The following HACD1 variants were observed in gnomAD, a reference collection of about 807,000 sequenced individuals.
HACD1 encodes very-long-chain (3R)-3-hydroxyacyl-CoA dehydratase 1.
A neutral mutation model predicts 32.0 loss-of-function variants in HACD1; 41 were observed. The observed-to-expected ratio is 1.28, with a 90% confidence interval of 1.00 to 1.66. HACD1 has a LOEUF of 1.66. HACD1 is among the 40% of genes most tolerant of loss of function. HACD1 has a pLI of 0.00. For missense variants in HACD1, 396 were observed against 380.1 expected, an observed-to-expected ratio of 1.04 and a Z score of -0.35; for synonymous variants, 142 against 139.0, an observed-to-expected ratio of 1.02 and a Z score of -0.15.
chr10:17,595,246 T>C (rs1554815927), intron 5 of HACD1, among the ~76,000 whole-genome samples: 1 of 152,208 alleles, frequency 6.6e-6, no homozygotes, highest in Non-Finnish European at 1.5e-5. Flanking sequence ...CAGCTAGTAA[T>C]TTATTGATCA....
intron 4 of HACD1, among the ~76,000 whole-genome samples, chr10:17,601,272 G>A (rs1056625621): frequency 6.6e-6 from 1 of 152,056 alleles, no homozygotes; most frequent in African/African-American, 2.4e-5. Flanking sequence ...GACCTCAAGT[G>A]ATCCACCTGC....
intron 1 of HACD1, 60 bp from the exon 2 acceptor site, chr10:17,604,107 T>C: frequency 8.3e-7 from 1 of 1,205,794 alleles, no homozygotes; most frequent in Non-Finnish European, 1.2e-6. Flanking sequence ...ATTTATACAT[T>C]TGTGTTTACA....
Position 17,594,309 on chromosome 10 carries a change from T to C in HACD1, c.680A>G (p.His227Arg), listed in dbSNP as rs1255030164. 6.2e-6 allele frequency: 10 copies of C among 1,605,942 alleles called. No individual in the cohort carries two copies. The highest frequency in any genetic ancestry group is 8.5e-6 in the Non-Finnish European group (10 of 1,175,672). The change falls in exon 6 of 7, where the codon CAT (histidine) becomes CGT (arginine). Residue 227 changes from histidine (H) to arginine (R), a missense_variant. Physicochemically the swap from His to Arg is conservative, Grantham distance 29 (BLOSUM62 0). Coordinates refer to ENST00000361271, the MANE Select transcript of HACD1 (RefSeq NM_014241.4). Reference sequence around the variant, plus strand: ...TGAAAACATTCCTGTTTTCTTCACATGCGGCAAGGCAGCGTATATTGTAAG... The same window carrying C: ...TGAAAACATTCCTGTTTTCTTCACACGCGGCAAGGCAGCGTATATTGTAAG... Reference protein sequence around the residue: ...ELLTIYAALPHVKKTGMFSIR... With the variant: ...ELLTIYAALPRVKKTGMFSIR...
chr10:17,594,484 C>T (rs1833969754), intron 5 of HACD1, 101 bp from the exon 6 acceptor site: 5 of 890,178 alleles, frequency 5.6e-6, no homozygotes, highest in African/African-American at 1.7e-5. Flanking sequence ...TCAAAATTCT[C>T]TTTTCTTTAC....
At chr10:17,612,793 G>A (rs1554817633) in intron 1 of HACD1, among the ~76,000 whole-genome samples, 1 of 151,870 alleles carries the variant, frequency 6.6e-6, no homozygotes, top group Non-Finnish European at 1.5e-5. Context: ...GTGGTGGCGG[G>A]CGCCAGTAGT....
intron 1 of HACD1, among the ~76,000 whole-genome samples, chr10:17,615,194 A>T (rs1833056745): frequency 6.6e-6 from 1 of 152,230 alleles, no homozygotes; most frequent in Admixed American, 6.5e-5. Flanking sequence ...ATAATTTAGG[A>T]GGAAAGAAAG....
intron 6 of HACD1, among the ~76,000 whole-genome samples, chr10:17,591,976 A>ATTTTTTTTTTTTTTTTATTTTTT (rs1833933928): frequency 1.0e-5 from 1 of 96,942 alleles, no homozygotes; most frequent in African/African-American, 4.5e-5. Flanking sequence ...CCAGCTACTG[A>ATTTTTTTTTTTTTTTTATTTTTT]TTTTTTTTTT....
intron 1 of HACD1, among the ~76,000 whole-genome samples, chr10:17,612,626 A>C (rs1040771730): frequency 6.6e-6 from 1 of 152,142 alleles, no homozygotes; most frequent in African/African-American, 2.4e-5. Context: ...TTGAGTAAAA[A>C]CTTGGAAGAG....
rs559069598 is a variant in HACD1 at position 17,589,049 on chromosome 10, A to C, written c.*1315T>G. 1 of 151,836 alleles carries C rather than the reference A, an allele frequency of 6.6e-6. No individual in the cohort carries two copies. Among genetic ancestry groups the C allele is most frequent in the African/African-American group, 2.4e-5 (1 of 41,174 alleles). 9.4% of individuals were successfully genotyped at this position (151,836 alleles called of 1,614,324 possible). On this transcript the variant is annotated 3_prime_UTR_variant, in exon 7 of 7. Transcript: ENST00000361271. ...AAAGTAGGTCTGGTGTATTTTTTTT[A>C]TTAAACACAAGGACAGGAACTTTAT... is the stretch of plus-strand genomic sequence containing the variant.
At chr10:17,600,342 A>T (rs573305448) in intron 4 of HACD1, among the ~76,000 whole-genome samples, 1 of 151,952 alleles carries the variant, frequency 6.6e-6, no homozygotes, top group East Asian at 1.9e-4. Flanking sequence ...TATTTAGCTT[A>T]TTTATTTATT....
At chr10:17,602,132 C>T (rs1328304172) in intron 4 of HACD1, among the ~76,000 whole-genome samples, 1 of 148,898 alleles carries the variant, frequency 6.7e-6, no homozygotes, top group Non-Finnish European at 1.5e-5. Context: ...TGCAGTGGTG[C>T]GATCTCAGCT....
intron 6 of HACD1, among the ~76,000 whole-genome samples, chr10:17,590,725 G>A (rs1554815503): frequency 6.6e-6 from 1 of 152,130 alleles, no homozygotes; most frequent in Non-Finnish European, 1.5e-5. Flanking sequence ...CAGCTAGAGT[G>A]CAGTAGCATG....
rs1564504626 is a variant in HACD1 at position 17,594,482 on chromosome 10, CTCT to C, written c.606-102_606-100del. 3.2e-6 allele frequency: 3 copies of C among 935,334 alleles called. No individual in the cohort carries two copies. In the East Asian group the frequency reaches 8.8e-5, roughly 27 times the overall value. 57.9% of individuals were successfully genotyped at this position (935,334 alleles called of 1,614,324 possible). A position where few individuals can be genotyped will look rare whatever the true frequency, so the allele number is the denominator to read the frequency against. On this transcript the variant is annotated intron_variant, in intron 5 of 6. Coordinates refer to ENST00000361271, the MANE Select transcript of HACD1 (RefSeq NM_014241.4). ...ACTACTAAATTTAAACTTCAAAATT[CTCT>C]TTTCTTTACATATTTACAATAACCT...
At chr10:17,610,868 C>T (rs1163630013) in intron 1 of HACD1, among the ~76,000 whole-genome samples, 2 of 152,126 alleles carry the variant, frequency 1.3e-5, no homozygotes, top group African/African-American at 4.8e-5. Flanking sequence ...GAGACACAAC[C>T]TTTAAACAAC....
intron 1 of HACD1, among the ~76,000 whole-genome samples, chr10:17,609,831 A>G (rs1457082691): frequency 2.6e-5 from 4 of 151,936 alleles, no homozygotes; most frequent in African/African-American, 4.8e-5. Context: ...AAATAGAAAA[A>G]AAATTAGCCA....
Position 17,617,205 on chromosome 10 carries a change from C to T in HACD1, c.135G>A (p.Glu45=), listed in dbSNP as rs1337786713. The T allele has an allele frequency of 1.1e-5, 16 of 1,499,680 alleles. No homozygotes were observed. The highest frequency in any genetic ancestry group is 1.4e-5 in the Non-Finnish European group (16 of 1,129,994). The allele number at this position is 1,499,680 out of a possible 1,614,324, so 92.9% of individuals were successfully genotyped here. ...CCGAGGCGCCGCCGTTGGTGCCGTC[C>T]TCGTCGCTGGACGCCATGGTGGCCG... ...RCAATMASSD[E]DGTNGGASEA... The change falls in exon 1 of 7, where the codon GAG becomes GAA. Residue 45 remains glutamate, a synonymous_variant. Transcript: ENST00000361271.
chr10:17,616,352 T>C (rs78474362), intron 1 of HACD1, among the ~76,000 whole-genome samples: 2 of 152,182 alleles, frequency 1.3e-5, no homozygotes, highest in Non-Finnish European at 2.9e-5. Context: ...CGAGTGATAA[T>C]GGGAAAATAA....
rs1833904281 is a variant in HACD1 at position 17,589,591 on chromosome 10, G to C, written c.*773C>G. The C allele has an allele frequency of 6.6e-6, 1 of 152,000 alleles. No individual in the cohort carries two copies. 9.4% of individuals were successfully genotyped at this position (152,000 alleles called of 1,614,324 possible). On this transcript the variant is annotated 3_prime_UTR_variant, in exon 7 of 7. Coordinates refer to ENST00000361271, the MANE Select transcript of HACD1 (RefSeq NM_014241.4). ...AGGCATGAGCTACCACTCCCAGCCT[G>C]AATACAACATTATAGTCAGATGTCA...
intron 1 of HACD1, among the ~76,000 whole-genome samples, chr10:17,611,804 A>C (rs1832984186): frequency 6.6e-6 from 1 of 152,074 alleles, no homozygotes; most frequent in Admixed American, 6.6e-5. Flanking sequence ...GTCTCTACTA[A>C]AAATACAAAA....
Sources: gnomAD v4.1 joint callset for allele counts (sites outside exome capture counted in the v4.1 genomes callset) on GRCh38, gnomAD v4.1.1 for gene constraint, MANE v1.5 for transcripts, NCBI Gene and HGNC (gene_info 2026-07-23, HGNC 2026-07-21) for gene names.